The following ACACB variants were observed in gnomAD, a reference collection of about 807,000 sequenced individuals.
The protein encoded by ACACB is acetyl-CoA carboxylase 2.
A neutral mutation model predicts 278.8 loss-of-function variants in ACACB; 209 were observed. The observed-to-expected ratio is 0.75, with a 90% CI of 0.67 to 0.84. The LOEUF (loss-of-function observed/expected upper bound fraction) is 0.84, where lower values mean the gene tolerates loss of function less well. Among genes scored for constraint, ACACB ranks in the 40% least tolerant of loss-of-function variants. The probability of loss-of-function intolerance (pLI) is 0.00; values close to 1 mark genes in which losing one functional copy is unlikely to be tolerated. For missense variants in ACACB, 2,850 were observed against 3,269.0 expected (o/e 0.87, Z 3.13); for synonymous variants, 1,174 against 1,285.6 (o/e 0.91, Z 1.86).
chr12:109,177,462 C>T (rs887223334), intron 9 of ACACB, among the ~76,000 whole-genome samples: 1 of 152,092 alleles, frequency 6.6e-6, no homozygotes, highest in African/African-American at 2.4e-5. Flanking sequence ...ACATTGCTTT[C>T]TAGGAGTTTT....
At position 109,197,010 on chromosome 12, in the gene ACACB, G is replaced by A. The variant is rs2045156913; in HGVS notation, c.2484G>A (p.Val828=). 6.4e-7 allele frequency: 1 copy of A among 1,553,578 alleles called. No homozygotes were observed. The highest frequency in any genetic ancestry group is 8.7e-7 in the Non-Finnish European group (1 of 1,156,038). Residue 828 remains valine (V), a splice_region_variant and synonymous_variant, in exon 17 of 53, where the codon GTG becomes GTA. Coordinates refer to ENST00000338432, the MANE Select transcript of ACACB (RefSeq NM_001093.4). The part of the protein sequence containing the change: ...IYGGVKYILK[V]ARQSLTMFVL... ...TGACAAGGGGCTTGTCCCCACAGGT[G>A]GCCCGGCAGTCTCTGACCATGTTCG...
At chr12:109,220,461 A>G (rs1450138625) in intron 24 of ACACB, among the ~76,000 whole-genome samples, 1 of 152,198 alleles carries the variant, frequency 6.6e-6, no homozygotes, top group East Asian at 1.9e-4. Context: ...AACGAAGCAA[A>G]CAAAACATGA....
chr12:109,239,539 C>T (rs1271507160), intron 34 of ACACB, among the ~76,000 whole-genome samples: 4 of 152,170 alleles, frequency 2.6e-5, no homozygotes, highest in Admixed American at 2.0e-4. Flanking sequence ...GGAATCTGGC[C>T]CTGGGTGATT....
At position 109,216,110 on chromosome 12, in the gene ACACB, GT is replaced by G. The variant is rs1292451341; in HGVS notation, c.3351-504del. Among the ~76,000 whole-genome samples, 8 of 146,912 alleles carry G rather than the reference GT, an allele frequency of 5.4e-5. No homozygotes were observed. In the Admixed American group the frequency reaches 5.4e-4, roughly 10 times the overall value. ...CACCATGCCTGGCCTTAATTTTTTT[GT>G]TTTGTTTTGTAGATATGGGGTCTTG... On this transcript the variant is annotated intron_variant, in intron 22 of 52. Transcript: ENST00000338432.
At chr12:109,137,220 T>C (rs2042987164) in intron 1 of ACACB, among the ~76,000 whole-genome samples, 1 of 152,162 alleles carries the variant, frequency 6.6e-6, no homozygotes, top group Admixed American at 6.6e-5. Flanking sequence ...CCTCTGACCC[T>C]GTGTACTACC....
At chr12:109,177,970 A>C (rs1168486590) in intron 9 of ACACB, among the ~76,000 whole-genome samples, 2 of 152,220 alleles carry the variant, frequency 1.3e-5, no homozygotes, top group Admixed American at 6.5e-5. Flanking sequence ...TATTTTACTT[A>C]TATGAGTGCA....
chr12:109,113,979 A>AT (rs753250636), upstream of ACACB, among the ~76,000 whole-genome samples: 57 of 151,284 alleles, frequency 3.8e-4, no homozygotes, highest in Admixed American at 1.8e-3. Flanking sequence ...ATGGGAACCA[A>AT]TTTTTTTTTC....
intron 12 of ACACB, among the ~76,000 whole-genome samples, chr12:109,186,270 C>T (rs991391966): frequency 4.6e-5 from 7 of 152,148 alleles, no homozygotes; most frequent in Non-Finnish European, 7.3e-5. Flanking sequence ...GGCTCTGGGC[C>T]GAGCCTTCCC....
chr12:109,120,964 T>C (rs2042534155), intron 1 of ACACB, among the ~76,000 whole-genome samples: 1 of 152,110 alleles, frequency 6.6e-6, no homozygotes, highest in Admixed American at 6.6e-5. Flanking sequence ...TTTTGAGACA[T>C]AGTCTTGCTC....
At chr12:109,259,815 G>A (rs2047331641) in intron 47 of ACACB, among the ~76,000 whole-genome samples, 1 of 152,184 alleles carries the variant, frequency 6.6e-6, no homozygotes, top group Admixed American at 6.5e-5. Context: ...AAGCCACCAA[G>A]CATGTTTTGG....
chr12:109,252,967 G>C, intron 42 of ACACB, 48 bp from the exon 43 acceptor site: 3 of 1,437,338 alleles, frequency 2.1e-6, no homozygotes, highest in Non-Finnish European at 2.8e-6. Flanking sequence ...ACAGGTGGTA[G>C]AGCCCTGCAC....
At chr12:109,263,945 G>T (rs760005251) in intron 49 of ACACB, 8 of 336,304 alleles carry the variant, frequency 2.4e-5, no homozygotes, top group Non-Finnish European at 4.3e-5. Context: ...TCTTGCAATT[G>T]TGAGTGCATT....
chr12:109,235,446 T>G, intron 32 of ACACB, 77 bp downstream of exon 32: 1 of 1,505,956 alleles, frequency 6.6e-7, no homozygotes, highest in Non-Finnish European at 9.2e-7. Flanking sequence ...GATATTTATT[T>G]TGTAGATTTG....
Position 109,210,304 on chromosome 12 carries a change from T to C in ACACB, c.3249+951T>C, listed in dbSNP as rs1160735909. Among the ~76,000 whole-genome samples the C allele has an allele frequency of 1.2e-3, 127 of 106,196 alleles. 21 individuals are homozygous for C. The highest frequency in any genetic ancestry group is 4.3e-3 in the African/African-American group (125 of 29,236). 69.7% of individuals were successfully genotyped at this position (106,196 alleles called of 152,430 possible). ...ACACATATCTGTGTGTATATGTATA[T>C]ATACACACACATATCTGTGTATATA... On this transcript the variant is annotated intron_variant, in intron 21 of 52. Coordinates refer to ENST00000338432, the MANE Select transcript of ACACB (RefSeq NM_001093.4).
chr12:109,262,639 T>G (rs1219346624), intron 49 of ACACB, among the ~76,000 whole-genome samples, 170 bp downstream of exon 49: 1 of 152,084 alleles, frequency 6.6e-6, no homozygotes, highest in Non-Finnish European at 1.5e-5. Flanking sequence ...TTTGTTTTGT[T>G]TTTTTGAGGT....
Position 109,212,944 on chromosome 12 carries a change from C to T in ACACB, c.3350+8C>T. The T allele has an allele frequency of 2.5e-6, 4 of 1,612,304 alleles. No individual in the cohort carries two copies. Among genetic ancestry groups the T allele is most frequent in the Non-Finnish European group, 3.4e-6 (4 of 1,178,354 alleles). On this transcript the variant is annotated splice_region_variant and intron_variant, in intron 22 of 52. Coordinates refer to ENST00000338432, the MANE Select transcript of ACACB (RefSeq NM_001093.4). The stretch of plus-strand genomic sequence containing the variant: ...CGTGCAGTTGGTCCAGAGGTGAATC[C>T]TGGGTCTCCCCGTAGGATGTGGTTG...
chr12:109,225,020 G>C (rs887644975), intron 27 of ACACB, among the ~76,000 whole-genome samples: 2 of 152,236 alleles, frequency 1.3e-5, no homozygotes, highest in Admixed American at 1.3e-4. Context: ...GGGCTTGTTA[G>C]CATATTACAG....
At chr12:109,169,142 CAA>C (rs34104231) in intron 4 of ACACB, among the ~76,000 whole-genome samples, 21 of 105,814 alleles carry the variant, frequency 2.0e-4, no homozygotes, top group African/African-American at 4.2e-4. Context: ...GAGACTGTCT[CAA>C]AAAAAAAAAA....
At chr12:109,251,656 TAACTC>T (rs2047098314) in intron 41 of ACACB, among the ~76,000 whole-genome samples, 1 of 152,222 alleles carries the variant, frequency 6.6e-6, no homozygotes, top group Non-Finnish European at 1.5e-5. Context: ...ACAATATTGT[TAACTC>T]AGTACAGACC....
Sources: gnomAD v4.1 joint callset for allele counts (sites outside exome capture counted in the v4.1 genomes callset) on GRCh38, gnomAD v4.1.1 for gene constraint, MANE v1.5 for transcripts, NCBI Gene and HGNC (gene_info 2026-07-23, HGNC 2026-07-21) for gene names.